PCYT2: variants seen among roughly 807,000 people sequenced by gnomAD.
The protein encoded by PCYT2 is ethanolamine-phosphate cytidylyltransferase.
Under a neutral mutation model 50.0 loss-of-function variants are expected in PCYT2, and 33 were observed. That is an observed-to-expected ratio of 0.66 (90% CI 0.50 to 0.88). PCYT2 has a LOEUF of 0.88. Among genes scored for constraint, PCYT2 ranks in the 40% least tolerant of loss-of-function variants. The pLI is 0.00. For missense variants in PCYT2, 430 were observed against 519.7 expected, an observed-to-expected ratio of 0.83 and a Z score of 1.68; for synonymous variants, 240 against 203.7, an observed-to-expected ratio of 1.18 and a Z score of -1.52.
At position 81,908,458 on chromosome 17, in the gene PCYT2, C is replaced by T. The variant is rs537352907; in HGVS notation, c.407+110G>A. The T allele has an allele frequency of 1.0e-5, 8 of 789,856 alleles. No individual in the cohort carries two copies. In the South Asian group the frequency reaches 1.1e-4, roughly 11 times the overall value. The allele number at this position is 789,856 out of a possible 1,614,324, so 48.9% of individuals were successfully genotyped here. Reference sequence around the variant, plus strand: ...CAGTCCTGGGCGTGAGGAACATGGCCCAGGGCCTGGACGCTCCCCTCACGG... The same window carrying T: ...CAGTCCTGGGCGTGAGGAACATGGCTCAGGGCCTGGACGCTCCCCTCACGG... On this transcript the variant is annotated intron_variant, in intron 4 of 12. Transcript: ENST00000538936.
intron 6 of PCYT2, 138 bp downstream of exon 6, chr17:81,907,416 A>T: frequency 8.4e-7 from 1 of 1,193,872 alleles, no homozygotes; most frequent in Non-Finnish European, 1.2e-6. Flanking sequence ...CCTGGCAGTC[A>T]GTGCCTGGTC....
Position 81,903,535 on chromosome 17 carries a change from G to T in PCYT2, c.*1298C>A, listed in dbSNP as rs2040068343. On this transcript the variant is annotated 3_prime_UTR_variant, in exon 13 of 13. Coordinates refer to ENST00000538936, the MANE Select transcript of PCYT2 (RefSeq NM_002861.5). ...CAATCTGTCTATGGGGAACTGGCTGGTCCCTCTGCTCAGGGGACCCCGCAG... is the reference window on the plus strand; with the variant it reads ...CAATCTGTCTATGGGGAACTGGCTGTTCCCTCTGCTCAGGGGACCCCGCAG... 6.6e-6 allele frequency: 1 copy of T among 152,328 alleles called. No homozygotes were observed. Among genetic ancestry groups the T allele is most frequent in the Non-Finnish European group, 1.5e-5 (1 of 68,122 alleles). The allele number at this position is 152,328 out of a possible 1,614,324, so 9.4% of individuals were successfully genotyped here. A position where few individuals can be genotyped will look rare whatever the true frequency, so the allele number is the denominator to read the frequency against.
intron 2 of PCYT2, 27 bp downstream of exon 2, chr17:81,909,487 C>T (rs201538142): frequency 3.1e-5 from 49 of 1,595,386 alleles, no homozygotes; most frequent in Middle Eastern, 3.3e-4. Flanking sequence ...TGGGGGGCCG[C>T]GGGTGGGCGA....
Position 81,903,015 on chromosome 17 carries a change from G to A in PCYT2, c.*1818C>T, listed in dbSNP as rs551981004. 575 of 483,156 alleles carry A rather than the reference G, an allele frequency of 1.2e-3. 17 individuals are homozygous for A. In the South Asian group the frequency reaches 0.019, roughly 16 times the overall value. 29.9% of individuals were successfully genotyped at this position (483,156 alleles called of 1,614,324 possible). ...GAGTGTGCGGCGGCAGGGCAAGGTT[G>A]GCCTGGGCCGCCCAGAGGTCTTCAG... On this transcript the variant is annotated 3_prime_UTR_variant, in exon 13 of 13. Transcript: ENST00000538936.
chr17:81,911,160 G>A (rs1387903852), intron 1 of PCYT2, 107 bp downstream of exon 1: 4 of 1,005,794 alleles, frequency 4.0e-6, no homozygotes, highest in Non-Finnish European at 4.7e-6. Flanking sequence ...TGCCGGACGA[G>A]GACGCCACCC....
Position 81,902,446 on chromosome 17 carries a change from C to T in PCYT2, c.*2387G>A. The T allele has an allele frequency of 1.5e-6, 2 of 1,364,344 alleles. No homozygotes were observed. 84.5% of individuals were successfully genotyped at this position (1,364,344 alleles called of 1,614,324 possible). A position where few individuals can be genotyped will look rare whatever the true frequency, so the allele number is the denominator to read the frequency against. On this transcript the variant is annotated 3_prime_UTR_variant, in exon 13 of 13. Transcript: ENST00000538936. ...CAGGTCCCCGTACGCGCGGCGCTCC[C>T]AGCCCTACAGAGGGGCGGAACCCCC...
intron 4 of PCYT2, 75 bp from the exon 5 acceptor site, chr17:81,907,932 G>A (rs569119060): frequency 2.4e-6 from 3 of 1,233,494 alleles, no homozygotes; most frequent in Non-Finnish European, 2.3e-6. Context: ...CACCACTAGG[G>A]ACACTAGCAG....
In PCYT2 at chr17:81,904,371, T is replaced by TGGCA. The variant is rs1308965749; in HGVS notation, c.*458_*461dup. 1.3e-5 allele frequency: 2 copies of TGGCA among 159,634 alleles called. No homozygotes were observed. The highest frequency in any genetic ancestry group is 2.7e-5 in the Non-Finnish European group (2 of 73,424). The allele number at this position is 159,634 out of a possible 1,614,324, so 9.9% of individuals were successfully genotyped here. ...TGTTTTCCTGGAGCCAGGCGCTGGG[T>TGGCA]GGCAGGACACCGTGTTGGGGGGTGC... On this transcript the variant is annotated 3_prime_UTR_variant, in exon 13 of 13. Transcript: ENST00000538936.
intron 1 of PCYT2, among the ~76,000 whole-genome samples, 183 bp from the exon 2 acceptor site, chr17:81,909,785 T>C (rs1286539820): frequency 6.6e-6 from 1 of 152,166 alleles, no homozygotes; most frequent in Non-Finnish European, 1.5e-5. Context: ...CCCCACTGGC[T>C]CCTGGGCCTG....
chr17:81,909,524 C>T lies in PCYT2; in HGVS notation c.168G>A (p.Val56=), dbSNP rs779561186. The part of the protein sequence containing the change: ...RAMGDYLIVG[V]HTDEEIAKHK... The stretch of plus-strand genomic sequence containing the variant: ...GCCATCTGTGCTTACCATCGGTGTG[C>T]ACGCCTACGATGAGGTAGTCACCCA... The change falls in exon 2 of 13, where the codon GTG becomes GTA. Residue 56 remains valine (V), a synonymous_variant. Transcript: ENST00000538936. 1 of 1,612,726 alleles carries T rather than the reference C, an allele frequency of 6.2e-7. No homozygotes were observed. The highest frequency in any genetic ancestry group is 1.1e-5 in the South Asian group (1 of 91,066).
rs1037510418 is a variant in PCYT2 at position 81,902,656 on chromosome 17, A to G, written c.*2177T>C. 6.2e-7 allele frequency: 1 copy of G among 1,606,338 alleles called. No homozygotes were observed. Among genetic ancestry groups the G allele is most frequent in the Non-Finnish European group, 8.5e-7 (1 of 1,178,156 alleles). On this transcript the variant is annotated 3_prime_UTR_variant, in exon 13 of 13. Transcript: ENST00000538936. Reference sequence around the variant, plus strand: ...CCAGGACGTCGCCCCAAACCTGCAGAGGTGCGAGCGGCTCCCCGACGGCCG... The same window carrying G: ...CCAGGACGTCGCCCCAAACCTGCAGGGGTGCGAGCGGCTCCCCGACGGCCG...
At chr17:81,909,244 T>G in intron 2 of PCYT2, 1 of 1,430,304 alleles carries the variant, frequency 7.0e-7, no homozygotes, top group Non-Finnish European at 9.1e-7. Context: ...AGATTCCTTC[T>G]GACGAGCAGG....
rs1203939138 is a variant in PCYT2 at position 81,909,615 on chromosome 17, A to G, written c.90-13T>C. On this transcript the variant is annotated splice_polypyrimidine_tract_variant and intron_variant, in intron 1 of 12. Transcript: ENST00000538936. Reference sequence around the variant, plus strand: ...CACCATGTCATAGCTGTGGAGACAGAGAGAGTGGGTGGTCCCTGTGCCAAG... The same window carrying G: ...CACCATGTCATAGCTGTGGAGACAGGGAGAGTGGGTGGTCCCTGTGCCAAG... 6.2e-7 allele frequency: 1 copy of G among 1,600,106 alleles called. No homozygotes were observed. Among genetic ancestry groups the G allele is most frequent in the East Asian group, 2.2e-5 (1 of 44,820 alleles).
rs968665379 is a variant in PCYT2 at position 81,909,274 on chromosome 17, T to C, written c.179-237A>G. On this transcript the variant is annotated intron_variant, in intron 2 of 12. Coordinates refer to ENST00000538936, the MANE Select transcript of PCYT2 (RefSeq NM_002861.5). ...AGCAGGTGCTCAGCCCCTGAAGGCT[T>C]GGGAGCCTCGCTGGCAGTGGTGGGG... 1.4e-5 allele frequency: 20 copies of C among 1,429,818 alleles called. No individual in the cohort carries two copies. In the East Asian group the frequency reaches 4.8e-4, roughly 34 times the overall value. 88.6% of individuals were successfully genotyped at this position (1,429,818 alleles called of 1,614,324 possible). A position where few individuals can be genotyped will look rare whatever the true frequency, so the allele number is the denominator to read the frequency against.
At chr17:81,911,157 C>G in intron 1 of PCYT2, 110 bp downstream of exon 1, 1 of 1,004,874 alleles carries the variant, frequency 1.0e-6, no homozygotes, top group Middle Eastern at 5.0e-4. Flanking sequence ...CCATGCCGGA[C>G]GAGGACGCCA....
rs1328495922 is a variant in PCYT2, at chr17:81,903,435, C to G, written c.*1398G>C. ...GCTGCTACGGGGCCAGGCCCACCTC[C>G]GGGCCCAGGCAGCAGCACTGCAGGG... On this transcript the variant is annotated 3_prime_UTR_variant, in exon 13 of 13. Coordinates refer to ENST00000538936, the MANE Select transcript of PCYT2 (RefSeq NM_002861.5). The G allele has an allele frequency of 6.6e-6, 1 of 152,404 alleles. No homozygotes were observed. The highest frequency in any genetic ancestry group is 6.5e-5 in the Admixed American group (1 of 15,294). 9.4% of individuals were successfully genotyped at this position (152,404 alleles called of 1,614,324 possible). A position where few individuals can be genotyped will look rare whatever the true frequency, so the allele number is the denominator to read the frequency against.
Position 81,906,553 on chromosome 17 carries a change from C to T in PCYT2, c.677-7G>A. The T allele has an allele frequency of 6.2e-7, 1 of 1,613,202 alleles. No individual in the cohort carries two copies. Among genetic ancestry groups the T allele is most frequent in the Non-Finnish European group, 8.5e-7 (1 of 1,179,774 alleles). ...AAGTCCACATGCCCGATGTCTGCAC[C>T]CAGGTTAAGAAGCAGTCGGGATGGG... On this transcript the variant is annotated splice_region_variant and splice_polypyrimidine_tract_variant and intron_variant, in intron 7 of 12. Transcript: ENST00000538936.
rs201542175 is a variant in PCYT2, at chr17:81,902,638, G to A, written c.*2195C>T. ...CCCCCAGGCTGTGTGCGTCCAGGAC[G>A]TCGCCCCAAACCTGCAGAGGTGCGA... is the stretch of plus-strand genomic sequence containing the variant. On this transcript the variant is annotated 3_prime_UTR_variant, in exon 13 of 13. Coordinates refer to ENST00000538936, the MANE Select transcript of PCYT2 (RefSeq NM_002861.5). The A allele has an allele frequency of 1.8e-4, 281 of 1,600,180 alleles. No homozygotes were observed. Among genetic ancestry groups the A allele is most frequent in the African/African-American group, 1.1e-3 (78 of 74,082 alleles).
chr17:81,905,336 G>T (rs1483166564), intron 11 of PCYT2, 46 bp downstream of exon 11: 2 of 1,502,786 alleles, frequency 1.3e-6, no homozygotes, highest in Admixed American at 3.9e-5. Flanking sequence ...TGGCTGGGAG[G>T]TGCCAATGGC....
Sources: allele counts gnomAD v4.1 joint callset (sites outside exome capture counted in the v4.1 genomes callset), GRCh38; gene constraint gnomAD v4.1.1; transcripts MANE v1.5; gene names NCBI Gene and HGNC (gene_info 2026-07-23, HGNC 2026-07-21).